HTR3A: variants seen among roughly 807,000 people sequenced by gnomAD.
The protein encoded by HTR3A is 5-hydroxytryptamine (serotonin) receptor 3A, ionotropic.
HTR3A carries 45 observed loss-of-function variants against 54.8 expected under a neutral mutation model. The observed-to-expected ratio is 0.82, with a 90% CI of 0.65 to 1.05. HTR3A has a LOEUF of 1.05. Ranked by LOEUF, HTR3A falls within the 50% of genes least tolerant of loss-of-function variation. The pLI is 0.00. For missense variants in HTR3A, 657 were observed against 614.0 expected (o/e 1.07, Z -0.74); for synonymous variants, 297 against 256.0 (o/e 1.16, Z -1.53).
At chr11:113,983,004 C>A in intron 4 of HTR3A, 116 bp from the exon 5 acceptor site, 1 of 1,192,178 alleles carries the variant, frequency 8.4e-7, no homozygotes, top group Non-Finnish European at 1.2e-6. Context: ...CCAGGTTATC[C>A]GGCTGCCTAT....
At position 113,986,933 on chromosome 11, in the gene HTR3A, G is replaced by A; in HGVS notation, c.1025G>A (p.Trp342Ter). The A allele has an allele frequency of 6.2e-7, 1 of 1,614,168 alleles. No individual in the cohort carries two copies. The highest frequency in any genetic ancestry group is 8.5e-7 in the Non-Finnish European group (1 of 1,180,030). The change falls in exon 8 of 9, where the codon TGG becomes TAG. Residue 342 changes from tryptophan to a stop codon, truncating the protein, a stop_gained. Transcript: ENST00000504030. LOFTEE classifies it high-confidence loss of function. Reference protein sequence around the residue: ...KQDLQQPVPAWLRHLVLERIA... With the variant: ...KQDLQQPVPA ...GACCTGCAGCAGCCCGTGCCTGCTT[G>A]GCTGCGTCACCTGGTTCTGGAGAGA...
At chr11:113,981,452 C>T in intron 4 of HTR3A, 140 bp downstream of exon 4, 1 of 700,346 alleles carries the variant, frequency 1.4e-6, no homozygotes, top group Non-Finnish European at 2.6e-6. Flanking sequence ...TGGTGTGAGT[C>T]CAAATTCCCT....
Position 113,983,303 on chromosome 11 carries a change from C to T in HTR3A, c.544+14C>T, listed in dbSNP as rs113593752. Reference sequence around the variant, plus strand: ...GGCTGCACACCAGTGAGTATGTGGGCTTCGCCGGGACAGGGGTGGAGGTTG... The same window carrying T: ...GGCTGCACACCAGTGAGTATGTGGGTTTCGCCGGGACAGGGGTGGAGGTTG... On this transcript the variant is annotated intron_variant, in intron 5 of 8. Coordinates refer to ENST00000504030, the MANE Select transcript of HTR3A (RefSeq NM_000869.6). 3.0e-4 allele frequency: 477 copies of T among 1,613,444 alleles called. 2 individuals are homozygous for T. The African/African-American group carries it at 5.2e-3, about 18-fold the overall frequency.
intron 5 of HTR3A, among the ~76,000 whole-genome samples, chr11:113,984,791 G>A (rs892339640): frequency 6.6e-5 from 10 of 152,114 alleles, no homozygotes; most frequent in South Asian, 4.1e-4. Context: ...AGTGGCAGGC[G>A]CCTGTAATCC....
At position 113,989,365 on chromosome 11, in the gene HTR3A, A is replaced by T; in HGVS notation, c.1139-100A>T. ...GTGACAGAGTGAGAAAAAAAAAGTT[A>T]TTCCCAACAAAAATTTACAGGCTAT... On this transcript the variant is annotated intron_variant, in intron 8 of 8. Coordinates refer to ENST00000504030, the MANE Select transcript of HTR3A (RefSeq NM_000869.6). This position sits in a 1 kb window ranked among gnomAD's most constrained non-coding sequence, Gnocchi z 4.4. 1 of 1,376,930 alleles carries T rather than the reference A, an allele frequency of 7.3e-7. No individual in the cohort carries two copies. The allele number at this position is 1,376,930 out of a possible 1,614,324, so 85.3% of individuals were successfully genotyped here.
At chr11:113,975,448 A>T in intron 1 of HTR3A, 56 bp downstream of exon 1, 1 of 1,457,156 alleles carries the variant, frequency 6.9e-7, no homozygotes. Flanking sequence ...GAGGTGGGGC[A>T]GGGGATGCTT....
chr11:113,982,634 T>C (rs987557273), intron 4 of HTR3A, among the ~76,000 whole-genome samples: 16 of 152,246 alleles, frequency 1.1e-4, no homozygotes, highest in African/African-American at 3.9e-4. Context: ...TAGCTCCTTT[T>C]CATCCAGAGA....
At chr11:113,979,381 GCTGAGGGGCACCCTCAGC>G (rs1469405066) in intron 3 of HTR3A, 104 bp downstream of exon 3, 1 of 855,614 alleles carries the variant, frequency 1.2e-6, no homozygotes, top group African/African-American at 1.7e-5. Context: ...GAGCGGAGAG[GCTGAGGGGCACCCTCAGC>G]CTGAGATCCA....
chr11:113,983,398 G>C (rs1950448707), intron 5 of HTR3A, 109 bp downstream of exon 5: 3 of 1,126,152 alleles, frequency 2.7e-6, no homozygotes, highest in South Asian at 2.5e-5. Flanking sequence ...GCCTACTAAT[G>C]CCCTGGGCCT....
At chr11:113,976,588 T>A (rs1362667555) in intron 1 of HTR3A, among the ~76,000 whole-genome samples, 2 of 147,682 alleles carry the variant, frequency 1.4e-5, no homozygotes, top group African/African-American at 5.1e-5. Flanking sequence ...TGTGTGTGTG[T>A]GTGTGTGTGT....
Position 113,987,066 on chromosome 11 carries a change from A to G in HTR3A, c.1138+20A>G. 1 of 1,610,968 alleles carries G rather than the reference A, an allele frequency of 6.2e-7. No individual in the cohort carries two copies. Among genetic ancestry groups the G allele is most frequent in the Non-Finnish European group, 8.5e-7 (1 of 1,179,218 alleles). The stretch of plus-strand genomic sequence containing the variant: ...GCTCAGGTGAGAAACAGAAGGGAAG[A>G]GTCCATACAGAGGGGCTGCTTCTGG... On this transcript the variant is annotated intron_variant, in intron 8 of 8. Transcript: ENST00000504030.
rs141013548 is a variant in HTR3A, at chr11:113,989,567, C to T, written c.1241C>T (p.Ala414Val). The change falls in exon 9 of 9, where the codon GCG becomes GTG. Residue 414 changes from alanine to valine, a missense_variant. By Grantham distance (64) the Ala-to-Val change is moderately conservative (BLOSUM62 0). Transcript: ENST00000504030. The surrounding 1 kb of genome is among the most constrained non-coding windows in gnomAD (Gnocchi z 4.4). ...PPPPPREASL[A>V]VCGLLQELSS... is the part of the protein sequence containing the mutation. ...CCACCACCTCGGGAGGCCTCGCTGG[C>T]GGTGTGTGGGCTGCTGCAGGAGCTG... 1.5e-4 allele frequency: 240 copies of T among 1,614,202 alleles called. No homozygotes were observed. The African/African-American group carries it at 2.0e-3, about 14-fold the overall frequency.
intron 3 of HTR3A, among the ~76,000 whole-genome samples, chr11:113,980,542 A>C (rs1208549220): frequency 6.6e-6 from 1 of 152,236 alleles, no homozygotes; most frequent in Admixed American, 6.5e-5. Context: ...CTTGGTAAAG[A>C]AGATAGGGGA....
At chr11:113,984,197 T>A (rs1443072940) in intron 5 of HTR3A, among the ~76,000 whole-genome samples, 1 of 152,128 alleles carries the variant, frequency 6.6e-6, no homozygotes, top group Non-Finnish European at 1.5e-5. Context: ...TTTCAGCTCC[T>A]CAGTTTACCC....
Position 113,987,033 on chromosome 11 carries a change from T to A in HTR3A, c.1125T>A (p.Thr375=). The A allele has an allele frequency of 1.2e-6, 2 of 1,613,440 alleles. No individual in the cohort carries two copies. The highest frequency in any genetic ancestry group is 1.7e-6 in the Non-Finnish European group (2 of 1,179,956). Residue 375 remains threonine (T), a synonymous_variant, in exon 8 of 9, where the codon ACT becomes ACA. Transcript: ENST00000504030. The part of the protein sequence containing the change: ...RPPATSQATK[T]DDCSAMGNHC... The stretch of plus-strand genomic sequence containing the variant: ...CAGCCACCTCCCAAGCCACCAAGAC[T>A]GATGACTGCTCAGGTGAGAAACAGA...
At chr11:113,976,378 C>T (rs1359805275) in intron 1 of HTR3A, among the ~76,000 whole-genome samples, 1 of 152,078 alleles carries the variant, frequency 6.6e-6, no homozygotes, top group Non-Finnish European at 1.5e-5. Flanking sequence ...AGGACCCAGG[C>T]TCTTGCTGGT....
rs773951630 is a variant in HTR3A at position 113,989,953 on chromosome 11, A to C, written c.*190A>C. ...CAAGGTCTGAACCCTTCCACCAAAA[A>C]CTGGGTGTTCAAGGCCCTTACACCC... On this transcript the variant is annotated 3_prime_UTR_variant, in exon 9 of 9. Coordinates refer to ENST00000504030, the MANE Select transcript of HTR3A (RefSeq NM_000869.6). This position sits in a 1 kb window ranked among gnomAD's most constrained non-coding sequence, Gnocchi z 4.4. 1.3e-6 allele frequency: 1 copy of C among 744,200 alleles called. No individual in the cohort carries two copies. The highest frequency in any genetic ancestry group is 2.3e-6 in the Non-Finnish European group (1 of 426,566). 46.1% of individuals were successfully genotyped at this position (744,200 alleles called of 1,614,324 possible). A position where few individuals can be genotyped will look rare whatever the true frequency, so the allele number is the denominator to read the frequency against.
At position 113,986,181 on chromosome 11, in the gene HTR3A, T is replaced by A; in HGVS notation, c.705+6T>A. On this transcript the variant is annotated splice_donor_region_variant and intron_variant, in intron 6 of 8. Transcript: ENST00000504030. ...ATGCAGAAATGAAGTTCTATGTGAG[T>A]GGGAGTGAATGTGGGTAAAATGGTG... is the stretch of plus-strand genomic sequence containing the variant. 6.2e-7 allele frequency: 1 copy of A among 1,613,998 alleles called. No individual in the cohort carries two copies. The highest frequency in any genetic ancestry group is 8.5e-7 in the Non-Finnish European group (1 of 1,179,974).
intron 3 of HTR3A, 170 bp from the exon 4 acceptor site, chr11:113,981,033 G>C (rs933760068): frequency 1.6e-6 from 1 of 640,544 alleles, no homozygotes; most frequent in Non-Finnish European, 2.9e-6. Flanking sequence ...ATGAAGAGGT[G>C]GGGGGACTCT....
Sources: allele counts gnomAD v4.1 joint callset (sites outside exome capture counted in the v4.1 genomes callset), GRCh38; gene constraint gnomAD v4.1.1; non-coding constraint Gnocchi (gnomAD v3.1); transcripts MANE v1.5; gene names NCBI Gene and HGNC (gene_info 2026-07-23, HGNC 2026-07-21).